Variants in NAALADL2 observed in about 807,000 individuals in gnomAD.
NAALADL2 encodes N-acetylated alpha-linked acidic dipeptidase like 2, also known as inactive N-acetylated-alpha-linked acidic dipeptidase-like protein 2.
In NAALADL2, 76 loss-of-function variants were observed where a neutral mutation model predicts 87.2. That is an observed-to-expected ratio of 0.87 (90% CI 0.72 to 1.05). The LOEUF (loss-of-function observed/expected upper bound fraction) is 1.05, where lower values mean the gene tolerates loss of function less well. Among genes scored for constraint, NAALADL2 ranks in the 50% least tolerant of loss-of-function variants. The pLI is 0.00. For missense variants in NAALADL2, 1,089 were observed against 945.8 expected (o/e 1.15, Z -1.99); for synonymous variants, 354 against 331.0 (o/e 1.07, Z -0.75).
At chr3:175,618,840 C>A (rs539816815) in intron 10 of NAALADL2, among the ~76,000 whole-genome samples, 1 of 152,102 alleles carries the variant, frequency 6.6e-6, no homozygotes, top group South Asian at 2.1e-4. Context: ...CCTGGCTTTC[C>A]GCTGTTGGTA....
chr3:174,582,489 C>G (rs1716277637), intron 2 of NAALADL2, among the ~76,000 whole-genome samples: 1 of 152,156 alleles, frequency 6.6e-6, no homozygotes, highest in Non-Finnish European at 1.5e-5. Context: ...ATGAAGGATT[C>G]TTATTGGATA....
intron 2 of NAALADL2, among the ~76,000 whole-genome samples, chr3:174,599,814 T>A (rs773089619): frequency 6.6e-6 from 1 of 152,140 alleles, no homozygotes; most frequent in Non-Finnish European, 1.5e-5. Context: ...CGTCAACAAA[T>A]CCCTGGTATT....
At chr3:174,602,768 T>TACATTGCTTTTCTTATGTTG (rs1480351288) in intron 2 of NAALADL2, among the ~76,000 whole-genome samples, 2 of 152,056 alleles carry the variant, frequency 1.3e-5, no homozygotes, top group Non-Finnish European at 2.9e-5. Context: ...GGGTTTGTTA[T>TACATTGCTTTTCTTATGTTG]ACATTGCTTT....
chr3:175,729,049 G>A (rs1331690310), intron 11 of NAALADL2, among the ~76,000 whole-genome samples: 2 of 152,086 alleles, frequency 1.3e-5, no homozygotes, highest in Non-Finnish European at 2.9e-5. Flanking sequence ...TATGTGTATG[G>A]TGTCGTTATG....
At chr3:175,558,739 T>C (rs35009862) in intron 9 of NAALADL2, among the ~76,000 whole-genome samples, 6,567 of 152,292 alleles carry the variant, frequency 0.043, 204 homozygotes, top group South Asian at 0.12. Context: ...ACTGTATATG[T>C]ATGAGTTTAT....
chr3:174,804,127 T>C lies in NAALADL2; in HGVS notation c.-9+66381T>C, dbSNP rs1282413665. On this transcript the variant is annotated intron_variant, in intron 3 of 3. Transcript: ENST00000434257. ...CATGGAATGTTCTTCCATTTGTTTG[T>C]GTCCTCTTTTATTTTGTTGAGCAGT... 4.6e-5 allele frequency among the ~76,000 whole-genome samples: 7 copies of C among 152,184 alleles called. No homozygotes were observed. The East Asian group carries it at 1.2e-3, about 25-fold the overall frequency.
chr3:175,747,130 T>G (rs1188754122), intron 12 of NAALADL2, among the ~76,000 whole-genome samples: 1 of 152,166 alleles, frequency 6.6e-6, no homozygotes, highest in Non-Finnish European at 1.5e-5. Flanking sequence ...CAAAACTAGT[T>G]TTTCTTTCCC....
chr3:175,337,536 C>T (rs959275410), intron 5 of NAALADL2, among the ~76,000 whole-genome samples: 8 of 152,090 alleles, frequency 5.3e-5, no homozygotes, highest in Non-Finnish European at 1.0e-4. Context: ...ATGTGAAGCA[C>T]GAACAAAATA....
intron 3 of NAALADL2, among the ~76,000 whole-genome samples, chr3:174,752,315 A>G (rs1332125923): frequency 1.3e-5 from 2 of 152,160 alleles, no homozygotes; most frequent in Non-Finnish European, 2.9e-5. Context: ...CAGTGAGACC[A>G]TCTTGGACTG....
chr3:175,281,894 A>T (rs1460642161), intron 4 of NAALADL2, among the ~76,000 whole-genome samples: 1 of 152,008 alleles, frequency 6.6e-6, no homozygotes, highest in Non-Finnish European at 1.5e-5. Context: ...AGTTATTTTA[A>T]GATTCACTTC....
intron 2 of NAALADL2, among the ~76,000 whole-genome samples, chr3:174,628,418 A>G (rs377487311): frequency 7.0e-6 from 1 of 142,896 alleles, no homozygotes; most frequent in East Asian, 2.1e-4. Flanking sequence ...CGGAGGTTGC[A>G]GTGAGCTGAG....
intron 1 of NAALADL2, among the ~76,000 whole-genome samples, chr3:174,919,685 C>T (rs531020258): frequency 2.6e-5 from 4 of 152,126 alleles, no homozygotes; most frequent in African/African-American, 4.8e-5. Context: ...AACCTCCTCC[C>T]GTAAGTCATG....
At chr3:175,439,731 C>CTTTTTTTTTTTTTTTTTTTTGT (rs535237866) in intron 5 of NAALADL2, among the ~76,000 whole-genome samples, 1 of 113,786 alleles carries the variant, frequency 8.8e-6, no homozygotes, top group Non-Finnish European at 1.8e-5. Flanking sequence ...GTTTTTTTTT[C>CTTTTTTTTTTTTTTTTTTTTGT]TTTTTTTTCT....
chr3:174,697,971 G>C (rs912772116), intron 2 of NAALADL2, among the ~76,000 whole-genome samples: 1 of 152,008 alleles, frequency 6.6e-6, no homozygotes. Context: ...CATACCTGTA[G>C]TCCCTGCTAC....
At chr3:175,593,332 A>T (rs1210187279) in intron 10 of NAALADL2, among the ~76,000 whole-genome samples, 1 of 152,118 alleles carries the variant, frequency 6.6e-6, no homozygotes, top group Non-Finnish European at 1.5e-5. Context: ...GAAGTGGTTT[A>T]TGTTTTCTTT....
intron 3 of NAALADL2, among the ~76,000 whole-genome samples, chr3:174,823,967 C>G (rs1331786882): frequency 6.6e-6 from 1 of 152,108 alleles, no homozygotes; most frequent in African/African-American, 2.4e-5. Context: ...ATTTTAAAAT[C>G]TTTCAATTCT....
chr3:175,200,936 A>AT (rs1739926965), intron 2 of NAALADL2, among the ~76,000 whole-genome samples: 4 of 152,270 alleles, frequency 2.6e-5, no homozygotes, highest in Non-Finnish European at 5.9e-5. Context: ...AATCCAAGTC[A>AT]CATTATCCTA....
intron 11 of NAALADL2, among the ~76,000 whole-genome samples, chr3:175,637,089 A>T (rs999875462): frequency 2.6e-5 from 4 of 152,260 alleles, no homozygotes; most frequent in African/African-American, 9.6e-5. Flanking sequence ...CCAGCTTTTA[A>T]CCAACAACCC....
intron 1 of NAALADL2, among the ~76,000 whole-genome samples, chr3:174,987,204 G>A (rs1031402974): frequency 6.6e-6 from 1 of 152,230 alleles, no homozygotes; most frequent in Non-Finnish European, 1.5e-5. Flanking sequence ...ATATGTACAT[G>A]CTTAATAAAA....
Sources: gnomAD v4.1 joint callset for allele counts (sites outside exome capture counted in the v4.1 genomes callset) on GRCh38, gnomAD v4.1.1 for gene constraint, MANE v1.5 for transcripts, NCBI Gene and HGNC (gene_info 2026-07-23, HGNC 2026-07-21) for gene names.